ABHD2: variants seen among roughly 807,000 people sequenced by gnomAD.
The protein encoded by ABHD2 is monoacylglycerol lipase ABHD2.
In ABHD2, 20 loss-of-function variants were observed where a neutral mutation model predicts 48.1. The ratio of observed to expected loss-of-function variants is 0.42; its 90% CI spans 0.29 to 0.60. The LOEUF is 0.60. Among genes scored for constraint, ABHD2 ranks in the 20% least tolerant of loss-of-function variants. The probability of loss-of-function intolerance (pLI) is 0.24; values close to 1 mark genes in which losing one functional copy is unlikely to be tolerated. For synonymous variants in ABHD2, 209 were observed against 214.2 expected (o/e 0.98, Z 0.21); for missense variants, 405 against 550.9 (o/e 0.74, Z 2.65).
intron 3 of ABHD2, among the ~76,000 whole-genome samples, chr15:89,145,659 G>A (rs904368623): frequency 1.3e-5 from 2 of 152,174 alleles, no homozygotes; most frequent in African/African-American, 2.4e-5. Flanking sequence ...TTTCCCCTTG[G>A]GGAAGTTCTT....
At chr15:89,115,428 GTGTT>G (rs2049943629) in intron 2 of ABHD2, among the ~76,000 whole-genome samples, 3 of 110,794 alleles carry the variant, frequency 2.7e-5, no homozygotes, top group African/African-American at 7.6e-5. Flanking sequence ...GTGTGTGTGT[GTGTT>G]TTGTATATAA....
Position 89,097,983 on chromosome 15 carries a change from T to C in ABHD2, c.-107+9420T>C, listed in dbSNP as rs2049640788. Among the ~76,000 whole-genome samples the C allele has an allele frequency of 6.6e-6, 1 of 152,110 alleles. No homozygotes were observed. Among genetic ancestry groups the C allele is most frequent in the Non-Finnish European group, 1.5e-5 (1 of 68,006 alleles). ...TGGGCTCACTGCAGCCTCCACCTCC[T>C]AGACTCAAGTGATCCTTCCACCTCA... On this transcript the variant is annotated intron_variant, in intron 1 of 10. Transcript: ENST00000352732. This position sits in a 1 kb window ranked among gnomAD's most constrained non-coding sequence, Gnocchi z 4.2.
intron 4 of ABHD2, among the ~76,000 whole-genome samples, chr15:89,152,683 C>T (rs1452144393): frequency 6.6e-6 from 1 of 152,138 alleles, no homozygotes; most frequent in Non-Finnish European, 1.5e-5. Flanking sequence ...TTAGGTTTCC[C>T]TGGACAAATA....
At chr15:89,044,195 T>A in the ABHD2 span, among the ~76,000 whole-genome samples, 2 of 152,202 alleles carry the variant, frequency 1.3e-5, no homozygotes, top group Non-Finnish European at 2.9e-5. Context: ...AGAGTGATGA[T>A]TTCCAGTTTC....
chr15:89,055,811 T>C, the ABHD2 span, among the ~76,000 whole-genome samples: 2 of 152,186 alleles, frequency 1.3e-5, no homozygotes, highest in Admixed American at 6.5e-5. Context: ...AAAATGATCA[T>C]GATATGTGGC....
chr15:89,138,857 T>G lies in ABHD2; in HGVS notation c.195-12820T>G, dbSNP rs138173908. 6.8e-3 allele frequency among the ~76,000 whole-genome samples: 888 copies of G among 130,232 alleles called. 12 individuals carry two copies. The highest frequency in any genetic ancestry group is 0.021 in the African/African-American group (837 of 40,116). 85.4% of individuals were successfully genotyped at this position (130,232 alleles called of 152,430 possible). A position where few individuals can be genotyped will look rare whatever the true frequency, so the allele number is the denominator to read the frequency against. ...GAGACCTGTCCTCTAATCCTAGCTT[T>G]TTTTTTTTCTTTTTTTTTCCTCATT... On this transcript the variant is annotated intron_variant, in intron 3 of 10. Coordinates refer to ENST00000352732, the MANE Select transcript of ABHD2 (RefSeq NM_152924.5).
rs1264821905 is a variant in ABHD2 at position 89,092,231 on chromosome 15, C to T, written c.-107+3668C>T. Among the ~76,000 whole-genome samples the T allele has an allele frequency of 6.6e-6, 1 of 152,190 alleles. No individual in the cohort carries two copies. The highest frequency in any genetic ancestry group is 1.5e-5 in the Non-Finnish European group (1 of 68,028). On this transcript the variant is annotated intron_variant, in intron 1 of 10. Transcript: ENST00000352732. This position sits in a 1 kb window ranked among gnomAD's most constrained non-coding sequence, Gnocchi z 4.4. ...GTGAGGGGCTTGTTACACACCGACT[C>T]ATTGTCTGATCTTTCACAATAAATA...
intron 8 of ABHD2, among the ~76,000 whole-genome samples, 189 bp from the exon 9 acceptor site, chr15:89,190,888 TATG>T (rs1305842071): frequency 6.6e-6 from 1 of 152,166 alleles, no homozygotes; most frequent in East Asian, 1.9e-4. Context: ...ATTTCATTGA[TATG>T]ATGAGTTAGT....
the ABHD2 span, among the ~76,000 whole-genome samples, chr15:89,063,535 C>G: frequency 1.3e-5 from 2 of 151,736 alleles, no homozygotes. Flanking sequence ...CTCACACATG[C>G]ACACACACAC....
Position 89,137,976 on chromosome 15 carries a change from G to T in ABHD2, c.195-13701G>T. Among the ~76,000 whole-genome samples, 1 of 152,200 alleles carries T rather than the reference G, an allele frequency of 6.6e-6. No homozygotes were observed. Among genetic ancestry groups the T allele is most frequent in the Non-Finnish European group, 1.5e-5 (1 of 68,036 alleles). On this transcript the variant is annotated intron_variant, in intron 3 of 10. Coordinates refer to ENST00000352732, the MANE Select transcript of ABHD2 (RefSeq NM_152924.5). The surrounding 1 kb of genome is among the most constrained non-coding windows in gnomAD (Gnocchi z 4.8). ...GGGGGCTGTGTCCTAGTGGAGAAGG[G>T]TGAAGCCCAGTGGGATGGGCTCACG...
At chr15:89,065,168 C>G in the ABHD2 span, among the ~76,000 whole-genome samples, 6 of 152,246 alleles carry the variant, frequency 3.9e-5, 1 homozygote, top group East Asian at 1.2e-3. Flanking sequence ...CAGAGAGCCC[C>G]TCCTCCATCA....
chr15:89,147,350 C>CTT lies in ABHD2; in HGVS notation c.195-4307_195-4306dup, dbSNP rs35188439. ...GTTTATAATTGGGTATTGCATAGCT[C>CTT]TTTTTTTTTTTTTTTTTTTTTGAGA... is the stretch of plus-strand genomic sequence containing the variant. On this transcript the variant is annotated intron_variant, in intron 3 of 10. Coordinates refer to ENST00000352732, the MANE Select transcript of ABHD2 (RefSeq NM_152924.5). Among the ~76,000 whole-genome samples the CTT allele has an allele frequency of 1.4e-3, 138 of 100,288 alleles. 1 individual carries two copies. Among genetic ancestry groups the CTT allele is most frequent in the African/African-American group, 1.9e-3 (45 of 23,644 alleles). 65.8% of individuals were successfully genotyped at this position (100,288 alleles called of 152,430 possible). A position where few individuals can be genotyped will look rare whatever the true frequency, so the allele number is the denominator to read the frequency against.
At chr15:89,041,444 A>G in the ABHD2 span, 1 of 152,318 alleles carries the variant, frequency 6.6e-6, no homozygotes, top group African/African-American at 2.4e-5. Context: ...GTCTCCACCC[A>G]TCAGTATTCA....
chr15:89,156,631 A>G (rs1313318914), intron 5 of ABHD2, among the ~76,000 whole-genome samples: 1 of 151,880 alleles, frequency 6.6e-6, no homozygotes, highest in Admixed American at 6.6e-5. Context: ...CCAGCTATTC[A>G]GGAGGCTGAG....
the ABHD2 span, among the ~76,000 whole-genome samples, chr15:89,069,136 T>TC: frequency 6.7e-6 from 1 of 148,442 alleles, no homozygotes; most frequent in African/African-American, 2.5e-5. Flanking sequence ...TTTTTTTTTT[T>TC]TTTTAAAGAG....
At position 89,155,383 on chromosome 15, in the gene ABHD2, C is replaced by A; in HGVS notation, c.387C>A (p.Val129=). 1 of 1,614,088 alleles carries A rather than the reference C, an allele frequency of 6.2e-7. No homozygotes were observed. Among genetic ancestry groups the A allele is most frequent in the South Asian group, 1.1e-5 (1 of 91,058 alleles). Residue 129 remains valine, a synonymous_variant, in exon 5 of 11, where the codon GTC becomes GTA. Transcript: ENST00000352732. This position sits in a 1 kb window ranked among gnomAD's most constrained non-coding sequence, Gnocchi z 4.9. The stretch of plus-strand genomic sequence containing the variant: ...ACGCTATAGATGATATCACCATGGT[C>A]ATCTGCCCTGGAATTGCCAATCACA... ...EHCVGDDITM[V]ICPGIANHSE...
In ABHD2 at chr15:89,195,345, C is replaced by A; in HGVS notation, c.1200C>A (p.Tyr400Ter). The A allele has an allele frequency of 6.2e-7, 1 of 1,614,198 alleles. No homozygotes were observed. The highest frequency in any genetic ancestry group is 8.5e-7 in the Non-Finnish European group (1 of 1,180,036). Residue 400 changes from tyrosine (Y) to a stop codon, truncating the protein, a stop_gained, in exon 11 of 11, where the codon TAC (tyrosine) becomes TAA (stop). Coordinates refer to ENST00000352732, the MANE Select transcript of ABHD2 (RefSeq NM_152924.5). LOFTEE classifies it high-confidence loss of function. This position sits in a 1 kb window ranked among gnomAD's most constrained non-coding sequence, Gnocchi z 5.1. ...GGATGGATAAGCTGGTGGTGGAGTA[C>A]GCCAACGCCATTTGCCAATGGGAGC... Reference protein sequence around the residue: ...LTWMDKLVVEYANAICQWERN... With the variant: ...LTWMDKLVVE
chr15:89,138,141 T>C (rs996252067), intron 3 of ABHD2, among the ~76,000 whole-genome samples: 4 of 152,350 alleles, frequency 2.6e-5, no homozygotes, highest in South Asian at 2.1e-4. Flanking sequence ...CTCTGGCAGT[T>C]CAGGATCTGG....
In ABHD2 at chr15:89,201,230, C is replaced by T. The variant is rs796301967; in HGVS notation, c.*5807C>T. On this transcript the variant is annotated 3_prime_UTR_variant, in exon 11 of 11. Coordinates refer to ENST00000352732, the MANE Select transcript of ABHD2 (RefSeq NM_152924.5). ...CTTTCTGAGCCTTAAACCTTCATCT[C>T]TCAGGTGTTGATTTGCTTCTGATAG... 10 of 1,414,734 alleles carry T rather than the reference C, an allele frequency of 7.1e-6. No homozygotes were observed. In the African/African-American group the frequency reaches 1.0e-4, roughly 14 times the overall value. The allele number at this position is 1,414,734 out of a possible 1,614,324, so 87.6% of individuals were successfully genotyped here.
Sources: allele counts gnomAD v4.1 joint callset (sites outside exome capture counted in the v4.1 genomes callset), GRCh38; gene constraint gnomAD v4.1.1; non-coding constraint Gnocchi (gnomAD v3.1); transcripts MANE v1.5; gene names NCBI Gene and HGNC (gene_info 2026-07-23, HGNC 2026-07-21).